AGTPBP1: variants seen among roughly 807,000 people sequenced by gnomAD.
AGTPBP1 encodes the protein ATP/GTP binding carboxypeptidase 1, also known as cytosolic carboxypeptidase 1.
AGTPBP1 carries 70 observed loss-of-function variants against 143.9 expected under a neutral mutation model. That is an observed-to-expected ratio of 0.49 (90% CI 0.40 to 0.59). The LOEUF is 0.59. Among genes scored for constraint, AGTPBP1 ranks in the 20% least tolerant of loss-of-function variants. The probability of loss-of-function intolerance (pLI) is 0.00; values close to 1 mark genes in which losing one functional copy is unlikely to be tolerated. For synonymous variants in AGTPBP1, 463 were observed against 500.2 expected, an observed-to-expected ratio of 0.93 and a Z score of 0.99; for missense variants, 1,229 against 1,464.5, an observed-to-expected ratio of 0.84 and a Z score of 2.62.
Position 85,632,960 on chromosome 9 carries a change from G to T in AGTPBP1, c.1717C>A (p.His573Asn). 1.2e-6 allele frequency: 2 copies of T among 1,614,130 alleles called. No homozygotes were observed. The highest frequency in any genetic ancestry group is 1.7e-6 in the Non-Finnish European group (2 of 1,180,022). ...AGAACATTTCCACAAGTAGCCATGT[G>T]TGGACATGCTTTAGCACAGGTAAGG... The part of the protein sequence containing the change: ...TVLTCAKACP[H>N]MATCGNVLFE... Residue 573 changes from histidine (H) to asparagine (N), a missense_variant, in exon 14 of 26, where the codon CAC (histidine) becomes AAC (asparagine). By Grantham distance (68) the His-to-Asn change is moderately conservative. Around this residue, in one of 2 missense-constraint regions of AGTPBP1, gnomAD observed 743 missense variants for 812.2 expected, o/e 0.91. Transcript: ENST00000357081.
At chr9:85,801,990 C>T in the AGTPBP1 span, among the ~76,000 whole-genome samples, 90 of 151,054 alleles carry the variant, frequency 6.0e-4, no homozygotes, top group East Asian at 2.2e-3. Context: ...TGGATGTTCA[C>T]TTCAAAATCC....
intron 13 of AGTPBP1, among the ~76,000 whole-genome samples, chr9:85,636,263 T>C (rs113623245): frequency 0.021 from 2,624 of 126,052 alleles, 86 homozygotes; most frequent in African/African-American, 0.081. Flanking sequence ...AGGTTTCTTT[T>C]TTTTTTTTTT....
intron 25 of AGTPBP1, among the ~76,000 whole-genome samples, chr9:85,560,795 A>C (rs2132842437): frequency 6.6e-6 from 1 of 152,334 alleles, no homozygotes; most frequent in South Asian, 2.1e-4. Flanking sequence ...ACAGAGAGAC[A>C]AAAGGATAGA....
At chr9:85,551,877 C>T (rs986938262) in intron 25 of AGTPBP1, among the ~76,000 whole-genome samples, 1 of 152,048 alleles carries the variant, frequency 6.6e-6, no homozygotes, top group Non-Finnish European at 1.5e-5. Flanking sequence ...TCCAAAAATT[C>T]TTACAATCAT....
intron 25 of AGTPBP1, among the ~76,000 whole-genome samples, chr9:85,552,060 T>C (rs1468943109): frequency 6.6e-6 from 1 of 152,170 alleles, no homozygotes; most frequent in Non-Finnish European, 1.5e-5. Context: ...CATCTATCCT[T>C]CTACTCTGAA....
At chr9:85,654,619 G>A (rs1477398616) in intron 11 of AGTPBP1, among the ~76,000 whole-genome samples, 4 of 152,156 alleles carry the variant, frequency 2.6e-5, no homozygotes, top group Non-Finnish European at 5.9e-5. Flanking sequence ...GAGGCAGGCA[G>A]ATCACTTGAG....
intron 1 of AGTPBP1, among the ~76,000 whole-genome samples, chr9:85,725,980 C>T (rs1256265603): frequency 7.0e-6 from 1 of 142,658 alleles, no homozygotes. Flanking sequence ...ACCCAGGAGG[C>T]AGAGGTTGCA....
chr9:85,722,417 A>T (rs1838189180), intron 1 of AGTPBP1, among the ~76,000 whole-genome samples: 1 of 152,050 alleles, frequency 6.6e-6, no homozygotes, highest in Non-Finnish European at 1.5e-5. Context: ...TATTTCATTA[A>T]TTTGATCTTC....
intron 9 of AGTPBP1, 96 bp downstream of exon 9, chr9:85,660,839 TA>T: frequency 3.1e-6 from 3 of 970,436 alleles, no homozygotes; most frequent in Non-Finnish European, 4.5e-6. Flanking sequence ...ACCAGCTTTA[TA>T]ACTATAGTCT....
At chr9:85,668,801 C>CTTTTTGTATGTTTTG (rs1232173854) in intron 8 of AGTPBP1, among the ~76,000 whole-genome samples, 2 of 151,162 alleles carry the variant, frequency 1.3e-5, no homozygotes, top group African/African-American at 4.8e-5. Context: ...TTAATATAAA[C>CTTTTTGTATGTTTTG]TCTATTTTAT....
At chr9:85,601,604 G>A (rs1037066009) in intron 17 of AGTPBP1, among the ~76,000 whole-genome samples, 1 of 152,166 alleles carries the variant, frequency 6.6e-6, no homozygotes, top group African/African-American at 2.4e-5. Flanking sequence ...CTGCTTAGGA[G>A]GCAGAGGGTT....
At chr9:85,788,210 C>T in the AGTPBP1 span, among the ~76,000 whole-genome samples, 4 of 151,714 alleles carry the variant, frequency 2.6e-5, no homozygotes, top group Admixed American at 2.0e-4. Flanking sequence ...TTTCAAAAAA[C>T]GAATTTACAA....
chr9:85,674,815 C>T (rs112096989), intron 6 of AGTPBP1, among the ~76,000 whole-genome samples: 18 of 152,278 alleles, frequency 1.2e-4, no homozygotes, highest in African/African-American at 3.6e-4. Flanking sequence ...TATGTACACA[C>T]GCATCCTCAT....
intron 2 of AGTPBP1, among the ~76,000 whole-genome samples, chr9:85,693,095 C>A (rs972551407): frequency 6.6e-6 from 1 of 152,296 alleles, no homozygotes; most frequent in Non-Finnish European, 1.5e-5. Flanking sequence ...GGAAAGTTCA[C>A]CTTTCCACTC....
At position 85,607,381 on chromosome 9, in the gene AGTPBP1, T is replaced by A. The variant is rs35223767; in HGVS notation, c.2336-10932A>T. 4.1e-3 allele frequency among the ~76,000 whole-genome samples: 617 copies of A among 152,208 alleles called. 2 individuals are homozygous for A. Among genetic ancestry groups the A allele is most frequent in the Non-Finnish European group, 6.9e-3 (471 of 67,912 alleles). On this transcript the variant is annotated intron_variant, in intron 17 of 25. Coordinates refer to ENST00000357081, the MANE Select transcript of AGTPBP1 (RefSeq NM_001330701.2). ...GCTGGTCACAGTGAAGTTAGCTATA[T>A]TTGGATATTCTGACTGTAACAAAAA...
chr9:85,687,008 G>A (rs1406269607), intron 3 of AGTPBP1, among the ~76,000 whole-genome samples: 2 of 152,016 alleles, frequency 1.3e-5, no homozygotes, highest in African/African-American at 2.4e-5. Context: ...TAGATTCCAA[G>A]GTACAAACAG....
chr9:85,796,195 A>G, the AGTPBP1 span, among the ~76,000 whole-genome samples: 1 of 152,174 alleles, frequency 6.6e-6, no homozygotes, highest in Admixed American at 6.5e-5. Flanking sequence ...TACCCCTCAC[A>G]AAGAATTACC....
At chr9:85,784,138 T>C in the AGTPBP1 span, among the ~76,000 whole-genome samples, 1 of 152,238 alleles carries the variant, frequency 6.6e-6, no homozygotes, top group Non-Finnish European at 1.5e-5. Context: ...CCTATCCTTG[T>C]ATCAATTTAA....
the AGTPBP1 span, among the ~76,000 whole-genome samples, chr9:85,772,555 T>C: frequency 6.6e-6 from 1 of 152,140 alleles, no homozygotes; most frequent in Admixed American, 6.5e-5. Context: ...AAGACCAGCT[T>C]GGGCAACATA....
Sources: allele counts gnomAD v4.1 joint callset (sites outside exome capture counted in the v4.1 genomes callset), GRCh38; gene constraint gnomAD v4.1.1; regional missense constraint gnomAD v4.1.1; transcripts MANE v1.5; gene names NCBI Gene and HGNC (gene_info 2026-07-23, HGNC 2026-07-21).